The following RNF38 variants were observed in gnomAD, a reference collection of about 807,000 sequenced individuals.
RNF38 encodes ring finger protein 38.
A neutral mutation model predicts 67.2 loss-of-function variants in RNF38; 15 were observed. That is an observed-to-expected ratio of 0.22 (90% CI 0.15 to 0.34). The LOEUF (loss-of-function observed/expected upper bound fraction) is 0.34. Among genes scored for constraint, RNF38 ranks in the 10% least tolerant of loss-of-function variants. RNF38 has a pLI of 1.00. For synonymous variants in RNF38, 220 were observed against 218.8 expected (o/e 1.01, Z -0.05); for missense variants, 524 against 639.9 (o/e 0.82, Z 1.95).
chr9:36,446,797 G>C (rs555970622), intron 1 of RNF38, among the ~76,000 whole-genome samples: 31 of 110,922 alleles, frequency 2.8e-4, no homozygotes, highest in African/African-American at 3.5e-5. Flanking sequence ...GACAGAGTGA[G>C]ACTCCGCCTC....
intron 9 of RNF38, among the ~76,000 whole-genome samples, chr9:36,345,996 A>G (rs1467153842): frequency 1.3e-5 from 2 of 152,206 alleles, no homozygotes; most frequent in Admixed American, 6.5e-5. Flanking sequence ...CCAATGATGG[A>G]ATACTGTCAA....
chr9:36,439,194 AC>A (rs1243428268), intron 1 of RNF38, among the ~76,000 whole-genome samples: 2 of 152,270 alleles, frequency 1.3e-5, no homozygotes, highest in African/African-American at 4.8e-5. Flanking sequence ...TTTTTAAAAT[AC>A]AAAAATTATA....
chr9:36,357,673 G>C (rs1834229696), intron 5 of RNF38, 102 bp downstream of exon 5: 5 of 829,720 alleles, frequency 6.0e-6, no homozygotes, highest in Middle Eastern at 3.4e-4. Flanking sequence ...ATATAATGCA[G>C]TTAGCCCCTC....
chr9:36,435,791 G>A (rs899935248), intron 1 of RNF38, among the ~76,000 whole-genome samples: 6 of 151,988 alleles, frequency 3.9e-5, no homozygotes, highest in Non-Finnish European at 8.8e-5. Context: ...CACGACGCCC[G>A]GCTAATTTTT....
intron 1 of RNF38, among the ~76,000 whole-genome samples, chr9:36,425,854 C>T (rs1481466864): frequency 2.6e-5 from 4 of 152,140 alleles, no homozygotes; most frequent in East Asian, 1.9e-4. Flanking sequence ...CACGCCACCA[C>T]GCCCAGTTAA....
chr9:36,413,167 T>G (rs552475762), intron 2 of RNF38, among the ~76,000 whole-genome samples: 1 of 151,742 alleles, frequency 6.6e-6, no homozygotes, highest in Admixed American at 6.6e-5. Context: ...GGGGCAGAAG[T>G]TGCAGTGAGC....
chr9:36,358,721 T>C (rs1229782232), intron 4 of RNF38, among the ~76,000 whole-genome samples: 2 of 152,138 alleles, frequency 1.3e-5, no homozygotes, highest in Non-Finnish European at 2.9e-5. Context: ...AAATATGATA[T>C]TAGTTTGGCC....
chr9:36,352,322 C>A (rs1371610467), intron 8 of RNF38, among the ~76,000 whole-genome samples: 5 of 150,002 alleles, frequency 3.3e-5, no homozygotes, highest in South Asian at 2.1e-4. Context: ...AAAAAAAAAA[C>A]AACAAACCTA....
intron 1 of RNF38, among the ~76,000 whole-genome samples, chr9:36,486,844 G>C (rs1224257389): frequency 6.6e-6 from 1 of 152,108 alleles, no homozygotes; most frequent in African/African-American, 2.4e-5. Flanking sequence ...GGCTGGGTGG[G>C]TGTGCCAGGG....
chr9:36,470,015 A>C (rs908694484), intron 1 of RNF38, among the ~76,000 whole-genome samples: 1 of 152,040 alleles, frequency 6.6e-6, no homozygotes, highest in African/African-American at 2.4e-5. Context: ...AATGCTCAAG[A>C]AGCCAGGATG....
intron 9 of RNF38, among the ~76,000 whole-genome samples, chr9:36,346,325 C>G (rs1416412193): frequency 6.6e-6 from 1 of 152,054 alleles, no homozygotes; most frequent in Admixed American, 6.6e-5. Flanking sequence ...CTTGCCTCCT[C>G]CTCCTGAGTA....
At chr9:36,380,655 G>A (rs957560317) in intron 2 of RNF38, among the ~76,000 whole-genome samples, 1 of 151,886 alleles carries the variant, frequency 6.6e-6, no homozygotes, top group Non-Finnish European at 1.5e-5. Context: ...ACCATGACCA[G>A]CTAATTAAAA....
At chr9:36,343,129 GTTA>G (rs2133352772) in intron 10 of RNF38, among the ~76,000 whole-genome samples, 1 of 152,096 alleles carries the variant, frequency 6.6e-6, no homozygotes, top group African/African-American at 2.4e-5. Flanking sequence ...TTGCTCTATT[GTTA>G]TTTTCTATTT....
chr9:36,392,526 C>CA (rs2134040810), intron 1 of RNF38, among the ~76,000 whole-genome samples: 1 of 152,252 alleles, frequency 6.6e-6, no homozygotes, highest in Admixed American at 6.5e-5. Context: ...AGCTTGAGTA[C>CA]AGGAGCTCAA....
chr9:36,483,243 G>A (rs537762463), intron 1 of RNF38, among the ~76,000 whole-genome samples: 5 of 152,054 alleles, frequency 3.3e-5, no homozygotes, highest in East Asian at 3.9e-4. Flanking sequence ...AAAATTATCC[G>A]GGCATGGTGG....
At chr9:36,383,534 C>T (rs950651548) in intron 2 of RNF38, among the ~76,000 whole-genome samples, 1 of 152,136 alleles carries the variant, frequency 6.6e-6, no homozygotes, top group African/African-American at 2.4e-5. Flanking sequence ...TAAGGCAGTT[C>T]AGTGAACATG....
intron 4 of RNF38, among the ~76,000 whole-genome samples, chr9:36,365,618 G>C (rs1301149538): frequency 6.7e-6 from 1 of 148,434 alleles, no homozygotes; most frequent in Non-Finnish European, 1.5e-5. Flanking sequence ...TAATGCTTTG[G>C]TATTCTACAC....
intron 1 of RNF38, among the ~76,000 whole-genome samples, chr9:36,481,329 T>G (rs1434027309): frequency 6.6e-6 from 1 of 152,196 alleles, no homozygotes; most frequent in Non-Finnish European, 1.5e-5. Flanking sequence ...TAGCTTTTGA[T>G]AGCGTAACTA....
chr9:36,434,023 G>C (rs1172271871), intron 1 of RNF38, among the ~76,000 whole-genome samples: 2 of 151,696 alleles, frequency 1.3e-5, no homozygotes, highest in Non-Finnish European at 2.9e-5. Flanking sequence ...GGATCACAAG[G>C]TAAGGAGATG....
Sources: allele counts gnomAD v4.1 joint callset (sites outside exome capture counted in the v4.1 genomes callset), GRCh38; gene constraint gnomAD v4.1.1; transcripts MANE v1.5; gene names NCBI Gene and HGNC (gene_info 2026-07-23, HGNC 2026-07-21).